The following ZNF782 variants were observed in gnomAD, a reference collection of about 807,000 sequenced individuals.
ZNF782 encodes zinc finger protein 782.
In ZNF782, 12 loss-of-function variants were observed where a neutral mutation model predicts 13.0. That is an observed-to-expected ratio of 0.92 (90% CI 0.59 to 1.50). ZNF782 has a LOEUF of 1.50. Ranked by LOEUF, ZNF782 falls within the 40% of genes most tolerant of loss-of-function variation. The probability of loss-of-function intolerance (pLI) is 0.00; values close to 1 mark genes in which losing one functional copy is unlikely to be tolerated. For synonymous variants in ZNF782, 284 were observed against 283.0 expected (o/e 1.00, Z -0.04); for missense variants, 770 against 822.9 (o/e 0.94, Z 0.79).
the ZNF782 span, among the ~76,000 whole-genome samples, chr9:96,912,587 G>A: frequency 6.6e-6 from 1 of 151,628 alleles, no homozygotes; most frequent in Non-Finnish European, 1.5e-5. Context: ...GGAGTGCAGT[G>A]GCACGATCTT....
At chr9:96,930,741 G>A in the ZNF782 span, among the ~76,000 whole-genome samples, 191 of 150,188 alleles carry the variant, frequency 1.3e-3, 1 homozygote, top group Middle Eastern at 3.5e-3. Context: ...GGAATGGGTG[G>A]CCTGAATCTG....
chr9:96,820,423 G>A (rs1850372857), intron 5 of ZNF782, among the ~76,000 whole-genome samples: 1 of 152,058 alleles, frequency 6.6e-6, no homozygotes, highest in Non-Finnish European at 1.5e-5. Flanking sequence ...ACACACATGT[G>A]TAAGTGGAAA....
the ZNF782 span, among the ~76,000 whole-genome samples, chr9:96,929,835 C>T: frequency 1.3e-5 from 2 of 151,958 alleles, no homozygotes; most frequent in Admixed American, 6.6e-5. Context: ...GAAGAATTTG[C>T]TCCTGTTCCA....
chr9:96,879,102 T>C (rs550966631), upstream of ZNF782, among the ~76,000 whole-genome samples: 2 of 152,374 alleles, frequency 1.3e-5, no homozygotes, highest in East Asian at 1.9e-4. Flanking sequence ...GAAAACCTGC[T>C]GTGTGACAGG....
intron 1 of ZNF782, among the ~76,000 whole-genome samples, chr9:96,862,045 T>A (rs1449083787): frequency 4.6e-5 from 7 of 152,116 alleles, no homozygotes; most frequent in Admixed American, 2.0e-4. Flanking sequence ...CCAAAGAAAA[T>A]GTACATATAC....
At chr9:96,904,082 C>T in the ZNF782 span, among the ~76,000 whole-genome samples, 1 of 145,470 alleles carries the variant, frequency 6.9e-6, no homozygotes, top group East Asian at 2.1e-4. Context: ...TGGTGTCTCA[C>T]TATGGTTTTT....
intron 3 of ZNF782, among the ~76,000 whole-genome samples, chr9:96,848,772 A>G (rs1015319047): frequency 2.0e-5 from 3 of 152,222 alleles, no homozygotes; most frequent in Admixed American, 6.5e-5. Context: ...CTACAGGTTC[A>G]ATGCAATTCT....
chr9:96,886,533 G>A, the ZNF782 span, among the ~76,000 whole-genome samples: 1 of 152,126 alleles, frequency 6.6e-6, no homozygotes, highest in African/African-American at 2.4e-5. Context: ...ACTAGAATTG[G>A]TTAAACATCA....
At chr9:96,911,510 G>GGTTTTTTTTTT in the ZNF782 span, among the ~76,000 whole-genome samples, 2 of 109,692 alleles carry the variant, frequency 1.8e-5, no homozygotes, top group Non-Finnish European at 3.8e-5. Flanking sequence ...TTTTTTTTTT[G>GGTTTTTTTTTT]TTTTTGTTTT....
At chr9:96,925,562 G>C in the ZNF782 span, among the ~76,000 whole-genome samples, 1 of 150,540 alleles carries the variant, frequency 6.6e-6, no homozygotes, top group South Asian at 2.1e-4. Context: ...TTGAACCCAG[G>C]AGGCGGAGGC....
intron 1 of ZNF782, among the ~76,000 whole-genome samples, chr9:96,866,298 G>A (rs1260901720): frequency 1.3e-5 from 2 of 152,176 alleles, no homozygotes; most frequent in Non-Finnish European, 2.9e-5. Context: ...TTGGCGCCCT[G>A]TGTCCCAGCT....
chr9:96,854,684 C>G (rs1014338324), upstream of ZNF782, among the ~76,000 whole-genome samples: 7 of 152,186 alleles, frequency 4.6e-5, no homozygotes, highest in African/African-American at 1.4e-4. Flanking sequence ...TGAAGTCTCC[C>G]GCTCAGGCTC....
the ZNF782 span, among the ~76,000 whole-genome samples, chr9:96,928,092 G>T: frequency 6.6e-6 from 1 of 150,830 alleles, no homozygotes; most frequent in African/African-American, 2.5e-5. Context: ...AAAATGTGGT[G>T]GCCAGAGAAA....
the ZNF782 span, among the ~76,000 whole-genome samples, chr9:96,921,369 C>T: frequency 4.5e-5 from 6 of 134,406 alleles, no homozygotes; most frequent in Admixed American, 3.8e-4. Flanking sequence ...CCTGTCTCTA[C>T]TAAAAATACA....
the ZNF782 span, among the ~76,000 whole-genome samples, chr9:96,906,800 C>A: frequency 2.6e-5 from 4 of 152,264 alleles, no homozygotes; most frequent in Admixed American, 2.6e-4. Flanking sequence ...AACCTTGAGC[C>A]CCTTTTTCCT....
At chr9:96,831,124 G>A (rs1850786432) in intron 4 of ZNF782, among the ~76,000 whole-genome samples, 1 of 151,616 alleles carries the variant, frequency 6.6e-6, no homozygotes, top group South Asian at 2.1e-4. Context: ...AAAGGGAGGG[G>A]CTGAAAAGTC....
the ZNF782 span, chr9:96,909,952 C>T: frequency 7.0e-6 from 3 of 425,620 alleles, no homozygotes; most frequent in Admixed American, 3.3e-5. Context: ...TTGCATTGTT[C>T]CTTGTCCAGC....
chr9:96,890,643 C>T, the ZNF782 span: 11 of 152,186 alleles, frequency 7.2e-5, no homozygotes, highest in Non-Finnish European at 1.5e-4. Flanking sequence ...CCACTAGAAA[C>T]CCAATGCAAA....
intron 3 of ZNF782, chr9:96,860,145 A>G (rs1851686865): frequency 6.6e-6 from 1 of 152,146 alleles, no homozygotes; most frequent in African/African-American, 2.4e-5. Context: ...TATGACTGAG[A>G]GCCCTGGCTC....
Sources: allele counts gnomAD v4.1 joint callset (sites outside exome capture counted in the v4.1 genomes callset), GRCh38; gene constraint gnomAD v4.1.1; transcripts MANE v1.5; gene names NCBI Gene and HGNC (gene_info 2026-07-23, HGNC 2026-07-21).